Variants in GRIN2A observed in about 807,000 individuals in gnomAD.
GRIN2A encodes glutamate ionotropic receptor NMDA type subunit 2A.
In GRIN2A, 22 loss-of-function variants were observed where a neutral mutation model predicts 113.4. That is an observed-to-expected ratio of 0.19 (90% CI 0.14 to 0.28). The LOEUF is 0.28. Ranked by LOEUF, GRIN2A falls within the 10% of genes least tolerant of loss-of-function variation. GRIN2A has a pLI of 1.00. For missense variants in GRIN2A, 1,502 were observed against 1,887.0 expected (o/e 0.80, Z 3.78); for synonymous variants, 827 against 738.4 (o/e 1.12, Z -1.94).
intron 2 of GRIN2A, among the ~76,000 whole-genome samples, chr16:9,955,569 T>A (rs1596359884): frequency 6.6e-6 from 1 of 152,228 alleles, no homozygotes; most frequent in African/African-American, 2.4e-5. Flanking sequence ...TAGTACTTAA[T>A]GTGGCTGTTA....
intron 2 of GRIN2A, among the ~76,000 whole-genome samples, chr16:9,987,281 A>G (rs770497390): frequency 6.6e-6 from 1 of 152,238 alleles, no homozygotes; most frequent in Non-Finnish European, 1.5e-5. Context: ...TGGCCTAAAG[A>G]CTTTTTATAT....
chr16:10,047,568 T>A (rs947971414), intron 2 of GRIN2A, among the ~76,000 whole-genome samples: 4 of 152,224 alleles, frequency 2.6e-5, no homozygotes, highest in South Asian at 2.1e-4. Flanking sequence ...ATACCTGATA[T>A]AGATGTTGGT....
intron 7 of GRIN2A, among the ~76,000 whole-genome samples, chr16:9,838,549 C>A (rs1252447507): frequency 6.6e-6 from 1 of 152,106 alleles, no homozygotes; most frequent in African/African-American, 2.4e-5. Flanking sequence ...AGTCATCTAG[C>A]AAATAAATGA....
chr16:9,892,557 A>C (rs2043715564), intron 3 of GRIN2A, among the ~76,000 whole-genome samples: 1 of 152,172 alleles, frequency 6.6e-6, no homozygotes, highest in Non-Finnish European at 1.5e-5. Flanking sequence ...GACTCCTAGA[A>C]TCTACCTTAT....
chr16:9,822,239 G>A (rs746880393), intron 10 of GRIN2A, 25 bp downstream of exon 10: 3 of 1,611,404 alleles, frequency 1.9e-6, no homozygotes, highest in African/African-American at 1.3e-5. Flanking sequence ...CAGACCTGTG[G>A]TGAAAAGGAA....
At chr16:10,073,606 G>A (rs1395273377) in intron 2 of GRIN2A, among the ~76,000 whole-genome samples, 2 of 152,088 alleles carry the variant, frequency 1.3e-5, no homozygotes, top group Non-Finnish European at 2.9e-5. Context: ...GCCTAGAGGT[G>A]AAAAATGGAT....
chr16:10,065,933 T>C (rs1218746882), intron 2 of GRIN2A, among the ~76,000 whole-genome samples: 1 of 152,110 alleles, frequency 6.6e-6, no homozygotes, highest in African/African-American at 2.4e-5. Flanking sequence ...CTCTTACGAA[T>C]AGAGAGCTGA....
chr16:10,124,480 T>C (rs200879534), intron 2 of GRIN2A, among the ~76,000 whole-genome samples: 1 of 79,488 alleles, frequency 1.3e-5, no homozygotes, highest in African/African-American at 4.0e-5. Flanking sequence ...TGATAACTCT[T>C]TGTTTATCCG....
intron 10 of GRIN2A, among the ~76,000 whole-genome samples, chr16:9,819,030 T>C (rs2042234246): frequency 1.3e-5 from 2 of 152,176 alleles, no homozygotes; most frequent in Admixed American, 1.3e-4. Flanking sequence ...TATGACTCTA[T>C]AAAAAATAAC....
intron 2 of GRIN2A, among the ~76,000 whole-genome samples, chr16:9,985,938 G>C (rs1002970496): frequency 2.6e-5 from 4 of 152,090 alleles, no homozygotes; most frequent in Non-Finnish European, 4.4e-5. Flanking sequence ...TTGTATCGAA[G>C]TATCTCATGT....
intron 2 of GRIN2A, among the ~76,000 whole-genome samples, chr16:10,131,564 G>A (rs2049065184): frequency 6.6e-6 from 1 of 152,066 alleles, no homozygotes; most frequent in Non-Finnish European, 1.5e-5. Context: ...ACTGAGAGAG[G>A]CTTCAAATGC....
intron 2 of GRIN2A, among the ~76,000 whole-genome samples, chr16:10,067,718 T>C (rs2047676023): frequency 6.6e-6 from 1 of 152,128 alleles, no homozygotes; most frequent in African/African-American, 2.4e-5. Flanking sequence ...CCAGTGGTTC[T>C]ATACTGGGGA....
intron 2 of GRIN2A, among the ~76,000 whole-genome samples, chr16:10,086,266 C>T (rs114111288): frequency 2.9e-3 from 448 of 152,266 alleles, no homozygotes; most frequent in African/African-American, 8.9e-3. Context: ...TACATCAAAG[C>T]TAGGGTGCCA....
At chr16:10,105,212 C>T (rs1209077706) in intron 2 of GRIN2A, among the ~76,000 whole-genome samples, 1 of 152,116 alleles carries the variant, frequency 6.6e-6, no homozygotes, top group Non-Finnish European at 1.5e-5. Flanking sequence ...CCTAAGGATC[C>T]TCACCCAGCA....
intron 3 of GRIN2A, among the ~76,000 whole-genome samples, chr16:9,903,248 G>A (rs903582079): frequency 1.3e-4 from 20 of 152,080 alleles, no homozygotes; most frequent in Non-Finnish European, 2.8e-4. Flanking sequence ...GATTACAGGC[G>A]TGAGTCACCG....
intron 2 of GRIN2A, among the ~76,000 whole-genome samples, chr16:10,165,703 GGAGGGGAGGGGAGAAA>G (rs2049904844): frequency 1.0e-4 from 1 of 10,044 alleles, no homozygotes; most frequent in Admixed American, 1.3e-3. Flanking sequence ...AGGGGAGAAA[GGAGGGGAGGGGAGAAA>G]GGAGGGGAGG....
At chr16:9,806,743 T>C (rs1046960388) in intron 10 of GRIN2A, among the ~76,000 whole-genome samples, 3 of 132,960 alleles carry the variant, frequency 2.3e-5, no homozygotes, top group African/African-American at 9.0e-5. Context: ...AAAAGTGAGA[T>C]ATATTGCAAG....
chr16:10,040,641 G>C (rs2047147882), intron 2 of GRIN2A, among the ~76,000 whole-genome samples: 1 of 150,810 alleles, frequency 6.6e-6, no homozygotes, highest in Non-Finnish European at 1.5e-5. Context: ...AATACACATA[G>C]CATACACACA....
At chr16:9,937,835 G>A (rs1259588696) in intron 3 of GRIN2A, 124 bp downstream of exon 3, 7 of 726,266 alleles carry the variant, frequency 9.6e-6, no homozygotes, top group East Asian at 2.7e-5. Context: ...TAAAAGTCCC[G>A]TAAGTAAACA....
Sources: allele counts gnomAD v4.1 joint callset (sites outside exome capture counted in the v4.1 genomes callset), GRCh38; gene constraint gnomAD v4.1.1; transcripts MANE v1.5; gene names NCBI Gene and HGNC (gene_info 2026-07-23, HGNC 2026-07-21).